The following NOTCH2 variants were observed in gnomAD, a reference collection of about 807,000 sequenced individuals.
The protein encoded by NOTCH2 is notch receptor 2.
In NOTCH2, 29 loss-of-function variants were observed where a neutral mutation model predicts 235.8. The ratio of observed to expected loss-of-function variants is 0.12; its 90% CI spans 0.09 to 0.17. The LOEUF is 0.17. Ranked by LOEUF, NOTCH2 falls within the 10% of genes least tolerant of loss-of-function variation. The pLI is 1.00. For synonymous variants in NOTCH2, 1,086 were observed against 1,141.5 expected (o/e 0.95, Z 0.98); for missense variants, 2,285 against 3,150.2 (o/e 0.73, Z 6.57).
rs1391504324 is a variant in NOTCH2 at position 119,981,232 on chromosome 1, A to G, written c.874+5728T>C. On this transcript the variant is annotated intron_variant, in intron 5 of 33. Transcript: ENST00000256646. ...AAACAGAAGTTCACTCTTCTCGATC[A>G]CCTTCCTTACCCCACCAAGTACTTA... 2.8e-5 allele frequency among the ~76,000 whole-genome samples: 4 copies of G among 143,780 alleles called. No homozygotes were observed. The East Asian group carries it at 7.7e-4, about 28-fold the overall frequency. The allele number at this position is 143,780 out of a possible 152,430, so 94.3% of individuals were successfully genotyped here. A position where few individuals can be genotyped will look rare whatever the true frequency, so the allele number is the denominator to read the frequency against.
intron 4 of NOTCH2, chr1:119,993,264 AAC>A (rs1652297740): frequency 3.3e-5 from 1 of 30,728 alleles, no homozygotes; most frequent in Non-Finnish European, 6.8e-5. Flanking sequence ...CTGGATTACT[AAC>A]AGTTACTTAT....
intron 26 of NOTCH2, 23 bp from the exon 27 acceptor site, chr1:119,922,801 C>A (rs373911666): frequency 6.2e-7 from 1 of 1,613,732 alleles, no homozygotes; most frequent in Non-Finnish European, 8.5e-7. Flanking sequence ...AAGGGAGAAG[C>A]GGAGGAGGAG....
At chr1:119,960,480 C>T (rs1650894595) in intron 11 of NOTCH2, among the ~76,000 whole-genome samples, 3 of 149,108 alleles carry the variant, frequency 2.0e-5, no homozygotes, top group African/African-American at 7.4e-5. Flanking sequence ...ATATATTTCA[C>T]AAATATCTCT....
intron 1 of NOTCH2, 63 bp downstream of exon 1, chr1:120,069,271 G>C (rs1263101161): frequency 6.5e-7 from 1 of 1,527,072 alleles, no homozygotes; most frequent in Non-Finnish European, 8.7e-7. Context: ...CCGAGGGGGA[G>C]AAGGGTCGCC....
chr1:119,989,158 A>G (rs1397142341), intron 4 of NOTCH2, among the ~76,000 whole-genome samples: 2 of 152,202 alleles, frequency 1.3e-5, no homozygotes, highest in African/African-American at 4.8e-5. Flanking sequence ...AGCTGAGTGA[A>G]TATGGGCAAT....
intron 2 of NOTCH2, among the ~76,000 whole-genome samples, chr1:120,015,190 G>A (rs1206679686): frequency 2.6e-5 from 4 of 152,106 alleles, no homozygotes; most frequent in Non-Finnish European, 4.4e-5. Context: ...GGGTTGCGTC[G>A]GCACTGCAGC....
intron 1 of NOTCH2, among the ~76,000 whole-genome samples, chr1:120,043,153 T>C (rs1203221865): frequency 2.0e-5 from 3 of 150,942 alleles, no homozygotes; most frequent in Admixed American, 2.0e-4. Context: ...CAGCTTCTAA[T>C]AGGCAGGGAT....
chr1:119,966,349 A>G (rs1373393821), intron 9 of NOTCH2, 27 bp downstream of exon 9: 3 of 1,515,078 alleles, frequency 2.0e-6, no homozygotes, highest in Non-Finnish European at 1.8e-6. Context: ...CTTTAAGAGA[A>G]AACAGGGCCA....
At chr1:120,014,057 G>C (rs1653320205) in intron 2 of NOTCH2, among the ~76,000 whole-genome samples, 1 of 148,750 alleles carries the variant, frequency 6.7e-6, no homozygotes, top group African/African-American at 2.6e-5. Flanking sequence ...TCCTCCTGTA[G>C]GGAGTTTATT....
intron 2 of NOTCH2, among the ~76,000 whole-genome samples, chr1:120,011,024 C>T (rs1653169389): frequency 6.6e-6 from 1 of 152,116 alleles, no homozygotes. Flanking sequence ...CAAAAGGCCA[C>T]ATATTATATA....
At chr1:119,950,406 T>C (rs1009052360) in intron 15 of NOTCH2, 3 of 487,940 alleles carry the variant, frequency 6.1e-6, no homozygotes, top group East Asian at 4.9e-5. Flanking sequence ...CTAAGACAAA[T>C]AGCTAATGTC....
chr1:119,920,440 C>G lies in NOTCH2; in HGVS notation c.5311-43G>C, dbSNP rs369037119. On this transcript the variant is annotated intron_variant, in intron 29 of 33. Transcript: ENST00000256646. The stretch of plus-strand genomic sequence containing the variant: ...TGCTCCCTATCAATCTGGCCACCAC[C>G]AGAAACTGCTAATCAGAAGGTGTCC... The G allele has an allele frequency of 2.2e-5, 36 of 1,609,396 alleles. No individual in the cohort carries two copies. In the African/African-American group the frequency reaches 4.0e-4, roughly 18 times the overall value.
intron 6 of NOTCH2, among the ~76,000 whole-genome samples, chr1:119,968,816 G>A (rs1377112182): frequency 6.6e-6 from 1 of 152,170 alleles, no homozygotes; most frequent in Non-Finnish European, 1.5e-5. Flanking sequence ...CATGGGAACT[G>A]GATTTTCCAG....
In NOTCH2 at chr1:119,937,322, C is replaced by G. The variant is rs782169682; in HGVS notation, c.3482G>C (p.Gly1161Ala). 3.1e-6 allele frequency: 5 copies of G among 1,613,856 alleles called. No homozygotes were observed. Among genetic ancestry groups the G allele is most frequent in the Non-Finnish European group, 4.2e-6 (5 of 1,180,046 alleles). ...ACCAATGAAGTCACTGCATGTTGCC[C>G]CGTGCTGGCAGGGGTTGGACGCACA... ...DECASNPCQH[G>A]ATCSDFIGGY... The change falls in exon 21 of 34, where the codon GGG becomes GCG. Residue 1161 changes from glycine (G) to alanine (A), a missense_variant. This residue lies in a region of NOTCH2 where 1,173 missense variants were observed against 1,515.3 expected (regional missense o/e 0.77). Coordinates refer to ENST00000256646, the MANE Select transcript of NOTCH2 (RefSeq NM_024408.4).
Position 119,996,275 on chromosome 1 carries a change from A to G in NOTCH2, c.751+722T>C, listed in dbSNP as rs377735965. 4.5e-5 allele frequency: 9 copies of G among 199,258 alleles called. No homozygotes were observed. In the East Asian group the frequency reaches 5.0e-4, roughly 11 times the overall value. The allele number at this position is 199,258 out of a possible 1,614,324, so 12.3% of individuals were successfully genotyped here. A position where few individuals can be genotyped will look rare whatever the true frequency, so the allele number is the denominator to read the frequency against. ...CGACACTGCTCCTCTTTTTGTTTCT[A>G]TCTTTGGGTTGTGTGTGCACTCTAG... On this transcript the variant is annotated intron_variant, in intron 4 of 33. Coordinates refer to ENST00000256646, the MANE Select transcript of NOTCH2 (RefSeq NM_024408.4).
At position 119,922,328 on chromosome 1, in the gene NOTCH2, G is replaced by C. The variant is rs2101154408; in HGVS notation, c.5121C>G (p.Gly1707=). Residue 1707 remains glycine, a synonymous_variant, in exon 28 of 34, where the codon GGC becomes GGG. Coordinates refer to ENST00000256646, the MANE Select transcript of NOTCH2 (RefSeq NM_024408.4). Reference sequence around the variant, plus strand: ...TGAAACCTTCAGGCAGCCAGAGAGAGCCATGCTTACGCTTTCGTTTTGCCA... The same window carrying C: ...TGAAACCTTCAGGCAGCCAGAGAGACCCATGCTTACGCTTTCGTTTTGCCA... The part of the protein sequence containing the change: ...VIMAKRKRKH[G]SLWLPEGFTL... 6.2e-7 allele frequency: 1 copy of C among 1,614,198 alleles called. No individual in the cohort carries two copies. The highest frequency in any genetic ancestry group is 8.5e-7 in the Non-Finnish European group (1 of 1,180,040).
At chr1:119,984,293 G>A (rs1391991411) in intron 5 of NOTCH2, among the ~76,000 whole-genome samples, 1 of 152,008 alleles carries the variant, frequency 6.6e-6, no homozygotes, top group Non-Finnish European at 1.5e-5. Context: ...ATAGAAAAAA[G>A]ACTACAGATT....
chr1:119,915,764 C>T lies in NOTCH2; in HGVS notation c.6958G>A (p.Gly2320Arg), dbSNP rs376802142. The change falls in exon 34 of 34, where the codon GGG (glycine) becomes AGG (arginine). Residue 2320 changes from glycine (G) to arginine (R), a missense_variant. By Grantham distance (125) the Gly-to-Arg change is moderately radical. Transcript: ENST00000256646. ...CAGGTGGACTGAGGCTGGGGAGCCC[C>T]CGCTGGTTGGGCAATACTGCCTTTA... ...IPKGSIAQPA[G>R]APQPQSTCPP... 2 of 1,608,222 alleles carry T rather than the reference C, an allele frequency of 1.2e-6. No homozygotes were observed. Among genetic ancestry groups the T allele is most frequent in the Non-Finnish European group, 1.7e-6 (2 of 1,175,868 alleles).
At chr1:119,980,238 C>G (rs1408492675) in intron 5 of NOTCH2, among the ~76,000 whole-genome samples, 1 of 152,218 alleles carries the variant, frequency 6.6e-6, no homozygotes, top group Non-Finnish European at 1.5e-5. Context: ...TACTTCCACT[C>G]TCTGACTATA....
Sources: gnomAD v4.1 joint callset for allele counts (sites outside exome capture counted in the v4.1 genomes callset) on GRCh38, gnomAD v4.1.1 for gene constraint, gnomAD v4.1.1 regional missense constraint, MANE v1.5 for transcripts, NCBI Gene and HGNC (gene_info 2026-07-23, HGNC 2026-07-21) for gene names.